The following SLTM variants were observed in gnomAD, a reference collection of about 807,000 sequenced individuals.
The protein encoded by SLTM is SAFB like transcription modulator.
A neutral mutation model predicts 134.6 loss-of-function variants in SLTM; 43 were observed. That is an observed-to-expected ratio of 0.32 (90% CI 0.25 to 0.41). The LOEUF (loss-of-function observed/expected upper bound fraction) is 0.41, where lower values mean the gene tolerates loss of function less well. SLTM is among the 10% of genes least tolerant of loss of function. The probability of loss-of-function intolerance (pLI) is 1.00; values close to 1 mark genes in which losing one functional copy is unlikely to be tolerated. For missense variants in SLTM, 1,055 were observed against 1,288.8 expected, an observed-to-expected ratio of 0.82 and a Z score of 2.78; for synonymous variants, 424 against 432.3, an observed-to-expected ratio of 0.98 and a Z score of 0.24.
intron 2 of SLTM, among the ~76,000 whole-genome samples, chr15:58,920,571 C>A (rs141372723): frequency 1.3e-5 from 2 of 151,090 alleles, no homozygotes; most frequent in African/African-American, 4.9e-5. Flanking sequence ...TGCAGTGAGC[C>A]AAGATAGCAA....
intron 5 of SLTM, among the ~76,000 whole-genome samples, chr15:58,911,944 GA>G (rs1378110767): frequency 1.3e-5 from 2 of 151,930 alleles, no homozygotes; most frequent in Admixed American, 6.6e-5. Flanking sequence ...CAAGTGACAA[GA>G]AAAAAATCAA....
intron 9 of SLTM, 39 bp from the exon 10 acceptor site, chr15:58,894,621 T>A (rs376679196): frequency 1.2e-6 from 2 of 1,600,420 alleles, no homozygotes; most frequent in Non-Finnish European, 1.7e-6. Context: ...TTTTACAACG[T>A]TCCAAGTACA....
intron 14 of SLTM, among the ~76,000 whole-genome samples, chr15:58,892,117 C>T (rs1263392298): frequency 6.6e-6 from 1 of 152,166 alleles, no homozygotes; most frequent in Non-Finnish European, 1.5e-5. Flanking sequence ...CTAACGCTGT[C>T]GTCAATGAAT....
At chr15:58,889,579 C>A in intron 15 of SLTM, 25 bp from the exon 16 acceptor site, 1 of 1,611,674 alleles carries the variant, frequency 6.2e-7, no homozygotes, top group Non-Finnish European at 8.5e-7. Flanking sequence ...GAATGAAGAA[C>A]CAACCAAGGC....
At chr15:58,892,669 GGC>G (rs2034755848) in intron 14 of SLTM, among the ~76,000 whole-genome samples, 1 of 151,998 alleles carries the variant, frequency 6.6e-6, no homozygotes, top group Non-Finnish European at 1.5e-5. Context: ...TTGTATAATG[GGC>G]ATAACTAGCC....
intron 19 of SLTM, among the ~76,000 whole-genome samples, chr15:58,884,317 G>A (rs1225276607): frequency 6.6e-6 from 1 of 151,334 alleles, no homozygotes; most frequent in East Asian, 1.9e-4. Context: ...TAATACTTTT[G>A]TTGTTGTTGT....
At chr15:58,921,826 A>G (rs549489514) in intron 2 of SLTM, among the ~76,000 whole-genome samples, 150 of 152,090 alleles carry the variant, frequency 9.9e-4, no homozygotes, top group African/African-American at 3.4e-3. Context: ...TGCAGGCTGA[A>G]GTGTAGTGGC....
intron 4 of SLTM, 51 bp from the exon 5 acceptor site, chr15:58,912,661 G>GT (rs2036365397): frequency 6.9e-7 from 1 of 1,452,348 alleles, no homozygotes; most frequent in South Asian, 1.2e-5. Context: ...TCGGGGTAAC[G>GT]TGAGAATGCT....
chr15:58,925,087 A>T (rs2141218573), intron 2 of SLTM, among the ~76,000 whole-genome samples: 1 of 152,104 alleles, frequency 6.6e-6, no homozygotes, highest in South Asian at 2.1e-4. Context: ...AAAAAAAAAA[A>T]AAAAAGCTTA....
chr15:58,889,202 A>C (rs972467578), intron 16 of SLTM: 7 of 436,604 alleles, frequency 1.6e-5, no homozygotes, highest in African/African-American at 1.4e-4. Flanking sequence ...ATGTATTTCC[A>C]GTCATAATGA....
intron 5 of SLTM, among the ~76,000 whole-genome samples, chr15:58,901,581 C>T (rs549729342): frequency 1.3e-5 from 2 of 152,324 alleles, no homozygotes; most frequent in African/African-American, 4.8e-5. Flanking sequence ...AATTCTTCCT[C>T]ATATCAAAGA....
At chr15:58,894,836 C>T (rs199933508) in intron 9 of SLTM, among the ~76,000 whole-genome samples, 2 of 151,688 alleles carry the variant, frequency 1.3e-5, no homozygotes, top group African/African-American at 4.8e-5. Context: ...TCTCAAGTAG[C>T]TGGGATTACA....
Position 58,933,538 on chromosome 15 carries a change from C to G in SLTM, c.28G>C (p.Ala10Pro). Residue 10 changes from alanine to proline, a missense_variant, in exon 1 of 21, where the codon GCC becomes CCC. Physicochemically the swap from Ala to Pro is conservative, Grantham distance 27. This residue lies in a region of SLTM where 268 missense variants were observed against 284.3 expected (regional missense o/e 0.94). Coordinates refer to ENST00000380516, the MANE Select transcript of SLTM (RefSeq NM_024755.4). MAAATGAVA[A>P]SAASGQAEGK... ...TCCGCCTGACCCGAGGCGGCCGAGG[C>G]TGCCACCGCACCGGTAGCGGCAGCC... The G allele has an allele frequency of 6.3e-7, 1 of 1,595,754 alleles. No homozygotes were observed. Among genetic ancestry groups the G allele is most frequent in the Non-Finnish European group, 8.5e-7 (1 of 1,172,472 alleles).
chr15:58,882,767 GGAAA>G (rs1243224399), intron 20 of SLTM, among the ~76,000 whole-genome samples: 5 of 152,156 alleles, frequency 3.3e-5, no homozygotes, highest in Non-Finnish European at 5.9e-5. Flanking sequence ...AAGAGGAATG[GGAAA>G]GAAAGGAGGA....
intron 5 of SLTM, among the ~76,000 whole-genome samples, chr15:58,911,183 C>G (rs1396885872): frequency 1.3e-5 from 2 of 152,168 alleles, no homozygotes; most frequent in East Asian, 3.8e-4. Flanking sequence ...CTCCAAAATA[C>G]AACTTCTCCT....
intron 1 of SLTM, 28 bp downstream of exon 1, chr15:58,933,376 G>A: frequency 6.4e-7 from 1 of 1,565,966 alleles, no homozygotes; most frequent in Non-Finnish European, 8.7e-7. Flanking sequence ...CCCCTTCCCG[G>A]TCCTTTCCGG....
At chr15:58,922,301 C>T (rs2037107474) in intron 2 of SLTM, among the ~76,000 whole-genome samples, 2 of 126,486 alleles carry the variant, frequency 1.6e-5, no homozygotes, top group African/African-American at 5.9e-5. Context: ...TGCTTGAACC[C>T]GGGTGGTGGA....
chr15:58,933,359 C>T (rs761766270), intron 1 of SLTM, 45 bp downstream of exon 1: 152 of 1,533,662 alleles, frequency 9.9e-5, no homozygotes, highest in Non-Finnish European at 1.3e-4. Context: ...GAGGCGCGGC[C>T]TAAGTTCCCC....
At chr15:58,933,176 T>A (rs1489695727) in intron 1 of SLTM, among the ~76,000 whole-genome samples, 1 of 151,730 alleles carries the variant, frequency 6.6e-6, no homozygotes, top group Non-Finnish European at 1.5e-5. Context: ...CACGCTGGGC[T>A]GCGGTGGCCG....
Sources: gnomAD v4.1 joint callset for allele counts (sites outside exome capture counted in the v4.1 genomes callset) on GRCh38, gnomAD v4.1.1 for gene constraint, gnomAD v4.1.1 regional missense constraint, MANE v1.5 for transcripts, NCBI Gene and HGNC (gene_info 2026-07-23, HGNC 2026-07-21) for gene names.